KISS1R: variants seen among roughly 807,000 people sequenced by gnomAD.
The protein encoded by KISS1R is kiSS-1 receptor.
KISS1R carries 19 observed loss-of-function variants against 22.0 expected under a neutral mutation model. The ratio of observed to expected loss-of-function variants is 0.86; its 90% CI spans 0.60 to 1.26. The LOEUF is 1.26. Ranked by LOEUF, KISS1R falls within the 50% of genes most tolerant of loss-of-function variation. KISS1R has a pLI of 0.00. For synonymous variants in KISS1R, 302 were observed against 283.9 expected (o/e 1.06, Z -0.64); for missense variants, 653 against 581.9 (o/e 1.12, Z -1.26).
At position 920,281 on chromosome 19, in the gene KISS1R, C is replaced by T. The variant is rs1192975485; in HGVS notation, c.739-9C>T. The T allele has an allele frequency of 6.4e-7, 1 of 1,558,908 alleles. No individual in the cohort carries two copies. The highest frequency in any genetic ancestry group is 1.4e-5 in the African/African-American group (1 of 73,180). On this transcript the variant is annotated splice_polypyrimidine_tract_variant and intron_variant, in intron 4 of 4. Coordinates refer to ENST00000234371, the MANE Select transcript of KISS1R (RefSeq NM_032551.5). ...CTTTCGTCTAACCACCTTCACGGCACCCCCCCAGGGGCAGGTGCTGGCAGA... is the reference window on the plus strand; with the variant it reads ...CTTTCGTCTAACCACCTTCACGGCATCCCCCCAGGGGCAGGTGCTGGCAGA...
At position 920,676 on chromosome 19, in the gene KISS1R, G is replaced by A; in HGVS notation, c.1125G>A (p.Ala375=). 3.0e-6 allele frequency: 4 copies of A among 1,319,856 alleles called. No homozygotes were observed. The highest frequency in any genetic ancestry group is 2.9e-6 in the Non-Finnish European group (3 of 1,037,360). The allele number at this position is 1,319,856 out of a possible 1,614,324, so 81.8% of individuals were successfully genotyped here. ...GGTCCCACCCGGCCCCCGCCAGGGC[G>A]CAGAAGCCAGGGAGCAGTGGGCTGG... is the stretch of plus-strand genomic sequence containing the variant. ...RLGSHPAPAR[A]QKPGSSGLAA... Residue 375 remains alanine, a synonymous_variant, in exon 5 of 5, where the codon GCG becomes GCA. Transcript: ENST00000234371.
rs1453551367 is a variant in KISS1R at position 917,419 on chromosome 19, C to G, written c.-84C>G. On this transcript the variant is annotated 5_prime_UTR_variant, in exon 1 of 5. Coordinates refer to ENST00000234371, the MANE Select transcript of KISS1R (RefSeq NM_032551.5). Reference sequence around the variant, plus strand: ...TTCCTGAGTTCCACAGGCGCAGCCCCCGGGCGGTCGGGCGGAGGGGTCCCC... The same window carrying G: ...TTCCTGAGTTCCACAGGCGCAGCCCGCGGGCGGTCGGGCGGAGGGGTCCCC... The G allele has an allele frequency of 2.9e-6, 4 of 1,360,706 alleles. No homozygotes were observed. The East Asian group carries it at 1.2e-4, about 40-fold the overall frequency. 84.3% of individuals were successfully genotyped at this position (1,360,706 alleles called of 1,614,324 possible).
In KISS1R at chr19:920,114, G is replaced by T. The variant is rs1369417032; in HGVS notation, c.738+8G>T. 1 of 1,494,182 alleles carries T rather than the reference G, an allele frequency of 6.7e-7. No homozygotes were observed. Among genetic ancestry groups the T allele is most frequent in the African/African-American group, 1.4e-5 (1 of 69,822 alleles). The allele number at this position is 1,494,182 out of a possible 1,614,324, so 92.6% of individuals were successfully genotyped here. A position where few individuals can be genotyped will look rare whatever the true frequency, so the allele number is the denominator to read the frequency against. On this transcript the variant is annotated splice_region_variant and intron_variant, in intron 4 of 4. Coordinates refer to ENST00000234371, the MANE Select transcript of KISS1R (RefSeq NM_032551.5). ...GCCGATAGCGCCCTGCAGGTGCGCG[G>T]CGTGGGTGGGAGGACAGCAAGGCTG...
At chr19:917,920 G>T (rs1157193872) in intron 1 of KISS1R, among the ~76,000 whole-genome samples, 174 bp downstream of exon 1, 1 of 152,134 alleles carries the variant, frequency 6.6e-6, no homozygotes, top group Non-Finnish European at 1.5e-5. Context: ...TGAGGCTAGA[G>T]GTCGCAAACT....
At chr19:918,011 G>T (rs2037073523) in intron 1 of KISS1R, among the ~76,000 whole-genome samples, 1 of 152,194 alleles carries the variant, frequency 6.6e-6, no homozygotes, top group Admixed American at 6.5e-5. Flanking sequence ...CGCGGGGCTC[G>T]CCCCGGTGCA....
chr19:917,810 G>GA, intron 1 of KISS1R, 64 bp downstream of exon 1: 1 of 1,521,538 alleles, frequency 6.6e-7, no homozygotes, highest in Non-Finnish European at 8.8e-7. Flanking sequence ...GAGCGGCCTG[G>GA]GGCGCCCTCT....
chr19:918,503 C>T, intron 1 of KISS1R, 41 bp from the exon 2 acceptor site: 3 of 1,536,910 alleles, frequency 2.0e-6, no homozygotes, highest in Non-Finnish European at 2.6e-6. Flanking sequence ...TTCCCGCGGC[C>T]AGTGGCGCCC....
chr19:918,058 G>C (rs1482304925), intron 1 of KISS1R, among the ~76,000 whole-genome samples: 1 of 152,214 alleles, frequency 6.6e-6, no homozygotes, highest in African/African-American at 2.4e-5. Flanking sequence ...TGAACAAAGG[G>C]CTGGGGGAGG....
rs2145318484 is a variant in KISS1R at position 918,690 on chromosome 19, GA to G, written c.369+23del. ...GCAGGTGCGCTCCGGAGCAGGAGGG[GA>G]GAGGGCGCACTTGGGGACGGGCGGG... is the stretch of plus-strand genomic sequence containing the variant. On this transcript the variant is annotated intron_variant, in intron 2 of 4. Coordinates refer to ENST00000234371, the MANE Select transcript of KISS1R (RefSeq NM_032551.5). 1.9e-6 allele frequency: 3 copies of G among 1,547,530 alleles called. No individual in the cohort carries two copies. In the East Asian group the frequency reaches 7.4e-5, roughly 38 times the overall value.
At position 920,950 on chromosome 19, in the gene KISS1R, C is replaced by A; in HGVS notation, c.*202C>A. ...GACTTCTGTGTTTCCTGAAATTAAACATGTGTCAACACAGGACTTTCTGGA... is the reference window on the plus strand; with the variant it reads ...GACTTCTGTGTTTCCTGAAATTAAAAATGTGTCAACACAGGACTTTCTGGA... On this transcript the variant is annotated 3_prime_UTR_variant, in exon 5 of 5. Transcript: ENST00000234371. 2.1e-6 allele frequency: 1 copy of A among 482,500 alleles called. No homozygotes were observed. The highest frequency in any genetic ancestry group is 3.2e-6 in the Non-Finnish European group (1 of 311,528). The allele number at this position is 482,500 out of a possible 1,614,324, so 29.9% of individuals were successfully genotyped here. A position where few individuals can be genotyped will look rare whatever the true frequency, so the allele number is the denominator to read the frequency against.
chr19:919,446 C>T (rs1290941112), intron 2 of KISS1R, 44 bp from the exon 3 acceptor site: 5 of 1,537,476 alleles, frequency 3.3e-6, no homozygotes, highest in Middle Eastern at 2.3e-4. Context: ...GGGCAGGCTC[C>T]CAACCGCGCA....
At position 920,583 on chromosome 19, in the gene KISS1R, C is replaced by G. The variant is rs1016832414; in HGVS notation, c.1032C>G (p.Arg344=). Residue 344 remains arginine, a synonymous_variant, in exon 5 of 5, where the codon CGC becomes CGG. Coordinates refer to ENST00000234371, the MANE Select transcript of KISS1R (RefSeq NM_032551.5). ...FRRVCPCAPR[R]PRRPRRPGPS... The stretch of plus-strand genomic sequence containing the variant: ...GCGTCTGCCCCTGCGCGCCGCGCCG[C>G]CCCCGCCGCCCCCGCCGGCCCGGAC... 1 of 1,466,922 alleles carries G rather than the reference C, an allele frequency of 6.8e-7. No individual in the cohort carries two copies. The highest frequency in any genetic ancestry group is 2.8e-5 in the East Asian group (1 of 35,136). 90.9% of individuals were successfully genotyped at this position (1,466,922 alleles called of 1,614,324 possible).
In KISS1R at chr19:918,631, G is replaced by A. The variant is rs1208597798; in HGVS notation, c.332G>A (p.Gly111Asp). The A allele has an allele frequency of 3.9e-6, 6 of 1,551,186 alleles. No individual in the cohort carries two copies. Among genetic ancestry groups the A allele is most frequent in the Non-Finnish European group, 5.2e-6 (6 of 1,147,056 alleles). ...TACCCGCTGCCCGGCTGGGTGCTGG[G>A]CGACTTCATGTGCAAGTTCGTCAAC... is the stretch of plus-strand genomic sequence containing the variant. ...LLYPLPGWVLGDFMCKFVNYI... is the reference protein window; with the variant it reads ...LLYPLPGWVLDDFMCKFVNYI... Residue 111 changes from glycine to aspartate, a missense_variant, in exon 2 of 5, where the codon GGC (glycine) becomes GAC (aspartate). Coordinates refer to ENST00000234371, the MANE Select transcript of KISS1R (RefSeq NM_032551.5).
In KISS1R at chr19:918,411, AG is replaced by A. The variant is rs869290851; in HGVS notation, c.245-125del. ...CCGAGGAGGCCAGGGGCGCTGGGGG[AG>A]GGGGGGGCCTCCCTGAGCCATCCTG... is the stretch of plus-strand genomic sequence containing the variant. On this transcript the variant is annotated intron_variant, in intron 1 of 4. Transcript: ENST00000234371. The A allele has an allele frequency of 1.5e-3, 138 of 93,122 alleles. No homozygotes were observed. The African/African-American group carries it at 0.019, about 13-fold the overall frequency. 5.8% of individuals were successfully genotyped at this position (93,122 alleles called of 1,614,324 possible). A position where few individuals can be genotyped will look rare whatever the true frequency, so the allele number is the denominator to read the frequency against.
rs1200887280 is a variant in KISS1R, at chr19:920,979, T to C, written c.*231T>C. On this transcript the variant is annotated 3_prime_UTR_variant, in exon 5 of 5. Transcript: ENST00000234371. Reference sequence around the variant, plus strand: ...TGTCAACACAGGACTTTCTGGATCATTCCAGAAAGTGTCAGACGTTTTCTC... The same window carrying C: ...TGTCAACACAGGACTTTCTGGATCACTCCAGAAAGTGTCAGACGTTTTCTC... 2.1e-5 allele frequency: 8 copies of C among 389,602 alleles called. No homozygotes were observed. The highest frequency in any genetic ancestry group is 1.7e-4 in the African/African-American group (8 of 47,938). 24.1% of individuals were successfully genotyped at this position (389,602 alleles called of 1,614,324 possible).
At chr19:917,882 C>A in intron 1 of KISS1R, 136 bp downstream of exon 1, 1 of 1,071,634 alleles carries the variant, frequency 9.3e-7, no homozygotes, top group Non-Finnish European at 1.3e-6. Flanking sequence ...CCCCCAACCT[C>A]GAATCTTTTC....
intron 1 of KISS1R, 141 bp downstream of exon 1, chr19:917,887 C>A: frequency 9.4e-7 from 1 of 1,060,020 alleles, no homozygotes; most frequent in South Asian, 1.7e-5. Flanking sequence ...AACCTCGAAT[C>A]TTTTCCCTGT....
At position 917,372 on chromosome 19, in the gene KISS1R, C is replaced by T. The variant is rs2037063644; in HGVS notation, c.-131C>T. The T allele has an allele frequency of 8.8e-7, 1 of 1,140,244 alleles. No individual in the cohort carries two copies. The highest frequency in any genetic ancestry group is 1.2e-6 in the Non-Finnish European group (1 of 866,222). The allele number at this position is 1,140,244 out of a possible 1,614,324, so 70.6% of individuals were successfully genotyped here. ...GCCCAGCACAGCTGCCCTCTGGACC[C>T]TGCGGACCCCAGCCGAGCCCCTTCC... On this transcript the variant is annotated 5_prime_UTR_variant, in exon 1 of 5. Transcript: ENST00000234371.
chr19:919,080 G>T (rs1381020952), intron 2 of KISS1R, among the ~76,000 whole-genome samples: 1 of 150,928 alleles, frequency 6.6e-6, no homozygotes, highest in Non-Finnish European at 1.5e-5. Context: ...ACCAGGGGCT[G>T]GGGTGCCCAG....
Sources: allele counts gnomAD v4.1 joint callset (sites outside exome capture counted in the v4.1 genomes callset), GRCh38; gene constraint gnomAD v4.1.1; transcripts MANE v1.5; gene names NCBI Gene and HGNC (gene_info 2026-07-23, HGNC 2026-07-21).